LRRTM4: variants seen among roughly 807,000 people sequenced by gnomAD.
LRRTM4 encodes the protein leucine-rich repeat transmembrane neuronal protein 4.
Under a neutral mutation model 47.6 loss-of-function variants are expected in LRRTM4, and 25 were observed. The ratio of observed to expected loss-of-function variants is 0.53; its 90% CI spans 0.38 to 0.73. LRRTM4 has a LOEUF of 0.73. LRRTM4 is among the 30% of genes least tolerant of loss of function. The probability of loss-of-function intolerance (pLI) is 0.00; values close to 1 mark genes in which losing one functional copy is unlikely to be tolerated. For synonymous variants in LRRTM4, 311 were observed against 269.5 expected (o/e 1.15, Z -1.51); for missense variants, 638 against 713.4 (o/e 0.89, Z 1.20).
intron 3 of LRRTM4, among the ~76,000 whole-genome samples, chr2:76,965,425 A>T (rs184913778): frequency 3.3e-5 from 5 of 151,336 alleles, no homozygotes; most frequent in African/African-American, 4.8e-5. Context: ...GTTATATGCC[A>T]TATCAACAGG....
intron 3 of LRRTM4, among the ~76,000 whole-genome samples, chr2:77,258,988 G>T (rs796534571): frequency 2.5e-4 from 38 of 152,058 alleles, no homozygotes; most frequent in African/African-American, 8.7e-4. Flanking sequence ...AGGGAATATG[G>T]ATTTTTACTA....
At chr2:77,292,671 G>A (rs1436082139) in intron 3 of LRRTM4, among the ~76,000 whole-genome samples, 3 of 135,330 alleles carry the variant, frequency 2.2e-5, no homozygotes, top group Non-Finnish European at 4.6e-5. Flanking sequence ...CACAGGAAGG[G>A]GAACATCACA....
intron 3 of LRRTM4, among the ~76,000 whole-genome samples, chr2:77,084,057 G>A (rs1051838057): frequency 3.3e-5 from 5 of 151,648 alleles, no homozygotes; most frequent in South Asian, 2.1e-4. Flanking sequence ...CACCCGCCTC[G>A]GCCTCCCAAA....
rs537199724 is a variant in LRRTM4, at chr2:76,837,650, A to G, written c.1552-88734T>C. Among the ~76,000 whole-genome samples, 21 of 152,256 alleles carry G rather than the reference A, an allele frequency of 1.4e-4. 1 individual carries two copies. In the East Asian group the frequency reaches 1.5e-3, roughly 11 times the overall value. ...ACACATGCACACGCATGTTTATTGCAGCACTATTCACAATAGCAAAGACTT... is the reference window on the plus strand; with the variant it reads ...ACACATGCACACGCATGTTTATTGCGGCACTATTCACAATAGCAAAGACTT... On this transcript the variant is annotated intron_variant, in intron 3 of 3. Coordinates refer to ENST00000409884, the MANE Select transcript of LRRTM4 (RefSeq NM_001134745.3).
intron 3 of LRRTM4, among the ~76,000 whole-genome samples, chr2:77,066,751 A>G (rs1023261169): frequency 6.6e-6 from 1 of 152,244 alleles, no homozygotes; most frequent in Non-Finnish European, 1.5e-5. Flanking sequence ...AAGTATTAAA[A>G]TAATAGGAGC....
At chr2:77,084,383 A>C (rs1402241864) in intron 3 of LRRTM4, among the ~76,000 whole-genome samples, 2 of 152,178 alleles carry the variant, frequency 1.3e-5, no homozygotes, top group African/African-American at 4.8e-5. Flanking sequence ...GGACTTTGTG[A>C]ACAGAGATTT....
At chr2:77,017,797 A>G (rs1417341886) in intron 3 of LRRTM4, among the ~76,000 whole-genome samples, 1 of 152,014 alleles carries the variant, frequency 6.6e-6, no homozygotes, top group African/African-American at 2.4e-5. Context: ...TTATTTGATT[A>G]ATTTAGCTTT....
At chr2:76,973,718 G>A (rs1035754561) in intron 3 of LRRTM4, among the ~76,000 whole-genome samples, 4 of 151,920 alleles carry the variant, frequency 2.6e-5, no homozygotes, top group Admixed American at 6.6e-5. Flanking sequence ...CAAGATGGAT[G>A]AATAGGCTTA....
At chr2:76,859,761 G>T (rs2104003447) in intron 3 of LRRTM4, among the ~76,000 whole-genome samples, 1 of 152,020 alleles carries the variant, frequency 6.6e-6, no homozygotes, top group Middle Eastern at 3.4e-3. Flanking sequence ...CTTTTGTTAT[G>T]TATTTGAAAA....
chr2:77,036,476 GAACTATT>G (rs1678841211), intron 3 of LRRTM4, among the ~76,000 whole-genome samples: 3 of 151,588 alleles, frequency 2.0e-5, no homozygotes, highest in African/African-American at 7.3e-5. Flanking sequence ...ATCCTTTACA[GAACTATT>G]GTTGACCAGC....
At chr2:77,129,273 C>T (rs1671732931) in intron 3 of LRRTM4, among the ~76,000 whole-genome samples, 1 of 152,110 alleles carries the variant, frequency 6.6e-6, no homozygotes, top group Non-Finnish European at 1.5e-5. Flanking sequence ...CTATTAGCAA[C>T]CCAGAGTGGT....
At chr2:77,052,004 AATTT>A (rs139597231) in intron 3 of LRRTM4, among the ~76,000 whole-genome samples, 18,283 of 151,994 alleles carry the variant, frequency 0.12, 1,364 homozygotes, top group Admixed American at 0.19. Flanking sequence ...TACTTTTAAA[AATTT>A]ATTTTATTTA....
intron 3 of LRRTM4, among the ~76,000 whole-genome samples, chr2:77,465,351 A>G (rs1676943972): frequency 6.6e-6 from 1 of 152,176 alleles, no homozygotes; most frequent in Non-Finnish European, 1.5e-5. Flanking sequence ...TGTATCTGAG[A>G]AGATTGTGTG....
chr2:76,796,850 G>C (rs865990717), intron 3 of LRRTM4, among the ~76,000 whole-genome samples: 1 of 152,024 alleles, frequency 6.6e-6, no homozygotes, highest in East Asian at 1.9e-4. Context: ...GAGCTGATTC[G>C]ATCAACTGGA....
In LRRTM4 at chr2:76,868,851, C is replaced by A. The variant is rs545728756; in HGVS notation, c.1552-119935G>T. On this transcript the variant is annotated intron_variant, in intron 3 of 3. Transcript: ENST00000409884. The stretch of plus-strand genomic sequence containing the variant: ...TCTTTTTTTACCCCAATAAAATCAC[C>A]CTTTGTCCCTTCCTCTTTTCAAGTA... 2.8e-4 allele frequency among the ~76,000 whole-genome samples: 43 copies of A among 152,136 alleles called. 1 individual carries two copies. In the Middle Eastern group the frequency reaches 0.01, roughly 36 times the overall value.
intron 3 of LRRTM4, among the ~76,000 whole-genome samples, chr2:76,763,142 A>G (rs1673322548): frequency 1.3e-5 from 2 of 152,210 alleles, no homozygotes; most frequent in Admixed American, 1.3e-4. Context: ...AAGGTGGCAT[A>G]TATTTACTAG....
chr2:77,412,096 G>A (rs1363366216), intron 3 of LRRTM4, among the ~76,000 whole-genome samples: 1 of 151,014 alleles, frequency 6.6e-6, no homozygotes, highest in Non-Finnish European at 1.5e-5. Flanking sequence ...AATTCCACAG[G>A]CTGAGTTCTA....
chr2:76,828,820 C>T (rs781258862), intron 3 of LRRTM4, among the ~76,000 whole-genome samples: 2 of 151,870 alleles, frequency 1.3e-5, no homozygotes, highest in Non-Finnish European at 2.9e-5. Context: ...CATTAATTAC[C>T]CCAATCCACC....
At chr2:77,088,596 G>A (rs1426496331) in intron 3 of LRRTM4, among the ~76,000 whole-genome samples, 10 of 152,024 alleles carry the variant, frequency 6.6e-5, no homozygotes, top group Admixed American at 3.3e-4. Context: ...GACTCAGCCC[G>A]CCTGCACCCA....
Sources: allele counts gnomAD v4.1 joint callset (sites outside exome capture counted in the v4.1 genomes callset), GRCh38; gene constraint gnomAD v4.1.1; transcripts MANE v1.5; gene names NCBI Gene and HGNC (gene_info 2026-07-23, HGNC 2026-07-21).